WDR88: variants seen among roughly 807,000 people sequenced by gnomAD.
The protein encoded by WDR88 is WD repeat domain 88.
In WDR88, 40 loss-of-function variants were observed where a neutral mutation model predicts 46.8. That is an observed-to-expected ratio of 0.86 (90% CI 0.66 to 1.11). The LOEUF is 1.11. Among genes scored for constraint, WDR88 ranks in the 50% most tolerant of loss-of-function variants. The pLI is 0.00. For missense variants in WDR88, 562 were observed against 602.4 expected (o/e 0.93, Z 0.70); for synonymous variants, 235 against 240.7 (o/e 0.98, Z 0.22).
intron 2 of WDR88, among the ~76,000 whole-genome samples, chr19:33,141,928 G>A (rs1410078968): frequency 2.6e-5 from 4 of 152,076 alleles, no homozygotes; most frequent in Non-Finnish European, 4.4e-5. Flanking sequence ...TGATCTGTCC[G>A]CCTTGGCCTC....
At chr19:33,170,457 G>A (rs1974019545) in intron 9 of WDR88, among the ~76,000 whole-genome samples, 1 of 152,054 alleles carries the variant, frequency 6.6e-6, no homozygotes, top group African/African-American at 2.4e-5. Context: ...TAGGATTACA[G>A]GCATGAGCCA....
At chr19:33,160,332 G>A (rs990891122) in intron 7 of WDR88, 82 bp from the exon 8 acceptor site, 27 of 1,425,884 alleles carry the variant, frequency 1.9e-5, no homozygotes, top group East Asian at 4.5e-5. Context: ...GTGGTGCCTC[G>A]CCAAGGCATC....
At chr19:33,156,219 G>T in intron 6 of WDR88, 136 bp from the exon 7 acceptor site, 4 of 780,942 alleles carry the variant, frequency 5.1e-6, no homozygotes, top group Non-Finnish European at 8.1e-6. Context: ...ATGTCTTCAG[G>T]TCCTCTTGGG....
intron 2 of WDR88, 120 bp from the exon 3 acceptor site, chr19:33,144,724 C>A (rs1331526770): frequency 5.7e-6 from 5 of 872,200 alleles, no homozygotes; most frequent in African/African-American, 3.4e-5. Flanking sequence ...GTCCCAGGAC[C>A]TTGGAGTTCT....
intron 1 of WDR88, among the ~76,000 whole-genome samples, chr19:33,135,116 CTG>C (rs1415387932): frequency 2.0e-5 from 3 of 151,108 alleles, no homozygotes; most frequent in African/African-American, 7.4e-5. Context: ...CCCAGTTTTA[CTG>C]AGATATAATT....
In WDR88 at chr19:33,172,473, G is replaced by T. The variant is rs569961657; in HGVS notation, c.1242+33G>T. 9.8e-6 allele frequency: 15 copies of T among 1,531,820 alleles called. No individual in the cohort carries two copies. The East Asian group carries it at 3.2e-4, about 32-fold the overall frequency. 94.9% of individuals were successfully genotyped at this position (1,531,820 alleles called of 1,614,324 possible). A position where few individuals can be genotyped will look rare whatever the true frequency, so the allele number is the denominator to read the frequency against. On this transcript the variant is annotated intron_variant, in intron 10 of 10. Coordinates refer to ENST00000355868, the MANE Select transcript of WDR88 (RefSeq NM_173479.4). ...TTGGGTAAAATTAAGCCCAGTGAAGGCTTTCGTTAGTTCCCTCTATAAATT... is the reference window on the plus strand; with the variant it reads ...TTGGGTAAAATTAAGCCCAGTGAAGTCTTTCGTTAGTTCCCTCTATAAATT...
intron 6 of WDR88, among the ~76,000 whole-genome samples, chr19:33,155,575 G>C (rs1353282657): frequency 6.6e-6 from 1 of 152,162 alleles, no homozygotes; most frequent in Non-Finnish European, 1.5e-5. Context: ...GTAAGTAAGA[G>C]AGGGGTGGAA....
intron 3 of WDR88, among the ~76,000 whole-genome samples, chr19:33,145,668 G>A (rs953721195): frequency 1.3e-5 from 2 of 152,028 alleles, no homozygotes; most frequent in Admixed American, 1.3e-4. Flanking sequence ...CTGAGTACCT[G>A]GGACTACAGG....
chr19:33,164,265 G>A lies in WDR88; in HGVS notation c.1149G>A (p.Lys383=). 4 of 1,613,670 alleles carry A rather than the reference G, an allele frequency of 2.5e-6. No homozygotes were observed. Among genetic ancestry groups the A allele is most frequent in the Non-Finnish European group, 3.4e-6 (4 of 1,179,554 alleles). ...AGAAATGGATCCTGTCTGCTTCCAAGGTAAAAGTGGTCAAGCTTACAATAT... is the reference window on the plus strand; with the variant it reads ...AGAAATGGATCCTGTCTGCTTCCAAAGTAAAAGTGGTCAAGCTTACAATAT... ...NNKKWILSAS[K]DRTMRLWNIE... The change falls in exon 9 of 11, where the codon AAG becomes AAA. Residue 383 remains lysine (K), a splice_region_variant and synonymous_variant. Coordinates refer to ENST00000355868, the MANE Select transcript of WDR88 (RefSeq NM_173479.4).
intron 6 of WDR88, among the ~76,000 whole-genome samples, chr19:33,152,247 A>T (rs1361652600): frequency 6.6e-6 from 1 of 151,802 alleles, no homozygotes; most frequent in Admixed American, 6.6e-5. Flanking sequence ...ATATATATAT[A>T]TATATACACG....
At chr19:33,162,286 C>A (rs751075653) in intron 8 of WDR88, among the ~76,000 whole-genome samples, 1 of 152,036 alleles carries the variant, frequency 6.6e-6, no homozygotes, top group Non-Finnish European at 1.5e-5. Flanking sequence ...CTGCAAGTTC[C>A]GCCTCCTGGG....
chr19:33,157,639 A>G (rs1232244687), intron 7 of WDR88, among the ~76,000 whole-genome samples: 3 of 139,244 alleles, frequency 2.2e-5, no homozygotes, highest in African/African-American at 5.4e-5. Context: ...ATGTGTATAT[A>G]TGTGTGTGTG....
intron 7 of WDR88, among the ~76,000 whole-genome samples, chr19:33,158,473 T>A (rs1271276261): frequency 6.6e-6 from 1 of 152,120 alleles, no homozygotes; most frequent in Non-Finnish European, 1.5e-5. Flanking sequence ...ATGCAGTTAA[T>A]CATTATTATT....
At chr19:33,133,830 GC>G (rs2145355204) in intron 1 of WDR88, among the ~76,000 whole-genome samples, 1 of 152,284 alleles carries the variant, frequency 6.6e-6, no homozygotes, top group Non-Finnish European at 1.5e-5. Context: ...TCTTGGGGAG[GC>G]CCTCCCTGAC....
chr19:33,157,677 G>A (rs1205489046), intron 7 of WDR88, among the ~76,000 whole-genome samples: 8 of 3,452 alleles, frequency 2.3e-3, no homozygotes, highest in African/African-American at 0.013. Context: ...ATGTGTGTGT[G>A]TGTATGTATG....
intron 1 of WDR88, among the ~76,000 whole-genome samples, chr19:33,136,311 T>C (rs933378155): frequency 4.6e-5 from 7 of 152,144 alleles, no homozygotes; most frequent in African/African-American, 1.4e-4. Context: ...TACCTCAGCC[T>C]CCCAAAGTGC....
intron 3 of WDR88, 94 bp from the exon 4 acceptor site, chr19:33,147,551 C>A: frequency 8.3e-7 from 1 of 1,208,040 alleles, no homozygotes. Context: ...TGCAGTGAGC[C>A]GGTATTGCAC....
chr19:33,144,961 A>T (rs1408697248), intron 3 of WDR88, 29 bp downstream of exon 3: 1 of 1,601,312 alleles, frequency 6.2e-7, no homozygotes, highest in Non-Finnish European at 8.5e-7. Context: ...TACACTGGGA[A>T]GAGGGAGGGT....
At chr19:33,164,347 C>G (rs1331265416) in intron 9 of WDR88, 82 bp downstream of exon 9, 3 of 1,376,942 alleles carry the variant, frequency 2.2e-6, no homozygotes, top group African/African-American at 2.8e-5. Context: ...GTATAAAATT[C>G]CTGGGTGGGT....
Sources: gnomAD v4.1 joint callset for allele counts (sites outside exome capture counted in the v4.1 genomes callset) on GRCh38, gnomAD v4.1.1 for gene constraint, MANE v1.5 for transcripts, NCBI Gene and HGNC (gene_info 2026-07-23, HGNC 2026-07-21) for gene names.